The following ORC4 variants were observed in gnomAD, a reference collection of about 807,000 sequenced individuals.
ORC4 encodes the protein origin recognition complex, subunit 4 homolog.
In ORC4, 55 loss-of-function variants were observed where a neutral mutation model predicts 63.9. That is an observed-to-expected ratio of 0.86 (90% confidence interval 0.69 to 1.08). ORC4 has a LOEUF of 1.08. Among genes scored for constraint, ORC4 ranks in the 50% least tolerant of loss-of-function variants. The probability of loss-of-function intolerance (pLI) is 0.00; values close to 1 mark genes in which losing one functional copy is unlikely to be tolerated. For missense variants in ORC4, 511 were observed against 504.4 expected, an observed-to-expected ratio of 1.01 and a Z score of -0.13; for synonymous variants, 150 against 168.5, an observed-to-expected ratio of 0.89 and a Z score of 0.85.
At chr2:147,954,989 T>C (rs562994790) in intron 7 of ORC4, among the ~76,000 whole-genome samples, 1 of 152,102 alleles carries the variant, frequency 6.6e-6, no homozygotes, top group South Asian at 2.1e-4. Context: ...AAGCCCATAA[T>C]TGGTGATTAA....
intron 1 of ORC4, among the ~76,000 whole-genome samples, chr2:148,010,189 A>G (rs886418957): frequency 1.3e-5 from 2 of 152,198 alleles, no homozygotes; most frequent in African/African-American, 4.8e-5. Context: ...AGATACAGTT[A>G]AAGCTAACAC....
chr2:147,968,813 C>T (rs1294011547), intron 4 of ORC4, among the ~76,000 whole-genome samples: 1 of 151,884 alleles, frequency 6.6e-6, no homozygotes, highest in African/African-American at 2.4e-5. Context: ...ATCATTACAT[C>T]AGAGAGACAT....
Position 147,993,617 on chromosome 2 carries a change from C to T in ORC4, c.-17-17642G>A, listed in dbSNP as rs112404831. Among the ~76,000 whole-genome samples, 4 of 152,142 alleles carry T rather than the reference C, an allele frequency of 2.6e-5. 1 individual carries two copies. The highest frequency in any genetic ancestry group is 9.6e-5 in the African/African-American group (4 of 41,488). ...CCCCCCATCAGCATGCTTAGGTAATCTTGCAAGGATAAATGGAAATGTCAG... is the reference window on the plus strand; with the variant it reads ...CCCCCCATCAGCATGCTTAGGTAATTTTGCAAGGATAAATGGAAATGTCAG... On this transcript the variant is annotated intron_variant, in intron 1 of 13. Coordinates refer to ENST00000392857, the MANE Select transcript of ORC4 (RefSeq NM_181741.4).
At chr2:147,962,856 A>T (rs1255009743) in intron 4 of ORC4, among the ~76,000 whole-genome samples, 1 of 152,046 alleles carries the variant, frequency 6.6e-6, no homozygotes, top group Non-Finnish European at 1.5e-5. Flanking sequence ...CCACAATCAG[A>T]GCCTGAAAAA....
intron 10 of ORC4, among the ~76,000 whole-genome samples, chr2:147,942,799 C>A (rs898717623): frequency 4.6e-5 from 7 of 151,050 alleles, no homozygotes; most frequent in East Asian, 1.9e-4. Flanking sequence ...AAAAAAAAAA[C>A]CGTCACTATT....
rs1034259636 is a variant in ORC4, at chr2:147,933,564, T to C, written c.*1946A>G. Reference sequence around the variant, plus strand: ...ATTGATGGATCTTCTGCAGCTCTTATGTAGCCAATGAGACAGATGAGGGCT... The same window carrying C: ...ATTGATGGATCTTCTGCAGCTCTTACGTAGCCAATGAGACAGATGAGGGCT... On this transcript the variant is annotated 3_prime_UTR_variant, in exon 14 of 14. Transcript: ENST00000392857. 6.6e-6 allele frequency: 1 copy of C among 152,156 alleles called. No individual in the cohort carries two copies. Among genetic ancestry groups the C allele is most frequent in the Admixed American group, 6.6e-5 (1 of 15,254 alleles). The allele number at this position is 152,156 out of a possible 1,614,324, so 9.4% of individuals were successfully genotyped here. A position where few individuals can be genotyped will look rare whatever the true frequency, so the allele number is the denominator to read the frequency against.
intron 1 of ORC4, among the ~76,000 whole-genome samples, chr2:147,979,143 C>T (rs1023060184): frequency 2.0e-5 from 3 of 152,000 alleles, no homozygotes; most frequent in African/African-American, 7.2e-5. Context: ...AAATAAAAGG[C>T]ATCCAAATCA....
At chr2:147,996,036 G>A (rs1691950921) in intron 1 of ORC4, among the ~76,000 whole-genome samples, 1 of 151,824 alleles carries the variant, frequency 6.6e-6, no homozygotes, top group Non-Finnish European at 1.5e-5. Flanking sequence ...CAGGTGCGGT[G>A]GCTTACGCCT....
Position 147,932,823 on chromosome 2 carries a change from A to C in ORC4, c.*2687T>G, listed in dbSNP as rs1380892269. On this transcript the variant is annotated 3_prime_UTR_variant, in exon 14 of 14. Coordinates refer to ENST00000392857, the MANE Select transcript of ORC4 (RefSeq NM_181741.4). ...TGAAAGAAACTGAATTGCTTTCTAA[A>C]CCAGATGAGGATCAGAGTGCGAACC... 6.6e-6 allele frequency: 1 copy of C among 152,136 alleles called. No individual in the cohort carries two copies. Among genetic ancestry groups the C allele is most frequent in the Non-Finnish European group, 1.5e-5 (1 of 68,018 alleles). The allele number at this position is 152,136 out of a possible 1,614,324, so 9.4% of individuals were successfully genotyped here. A position where few individuals can be genotyped will look rare whatever the true frequency, so the allele number is the denominator to read the frequency against.
chr2:147,985,643 C>T (rs763400649), intron 1 of ORC4, among the ~76,000 whole-genome samples: 1 of 152,212 alleles, frequency 6.6e-6, no homozygotes, highest in Non-Finnish European at 1.5e-5. Flanking sequence ...TTAGTTTGCA[C>T]AACTAACTTA....
intron 9 of ORC4, among the ~76,000 whole-genome samples, chr2:147,946,413 A>G (rs932273337): frequency 6.6e-6 from 1 of 152,104 alleles, no homozygotes; most frequent in Non-Finnish European, 1.5e-5. Context: ...CAGGAGTTGT[A>G]GAAGATGAAA....
In ORC4 at chr2:147,935,470, AGT is replaced by A; in HGVS notation, c.*38_*39del. Reference sequence around the variant, plus strand: ...ACAATAGTTTTCCGTTCTCTACAGAAGTATGAATGAAATGCCAAAGTTGAAGT... The same window carrying A: ...ACAATAGTTTTCCGTTCTCTACAGAAATGAATGAAATGCCAAAGTTGAAGT... On this transcript the variant is annotated 3_prime_UTR_variant, in exon 14 of 14. Transcript: ENST00000392857. The A allele has an allele frequency of 7.0e-7, 1 of 1,423,540 alleles. No homozygotes were observed. The highest frequency in any genetic ancestry group is 1.1e-5 in the South Asian group (1 of 87,156). The allele number at this position is 1,423,540 out of a possible 1,614,324, so 88.2% of individuals were successfully genotyped here. A position where few individuals can be genotyped will look rare whatever the true frequency, so the allele number is the denominator to read the frequency against.
At chr2:147,971,669 A>G (rs1419054278) in intron 4 of ORC4, among the ~76,000 whole-genome samples, 3 of 152,038 alleles carry the variant, frequency 2.0e-5, no homozygotes, top group Non-Finnish European at 4.4e-5. Context: ...ACTACCCAAA[A>G]TAACAGTGAA....
intron 7 of ORC4, 67 bp downstream of exon 7, chr2:147,955,280 T>G: frequency 1.8e-6 from 2 of 1,118,436 alleles, no homozygotes; most frequent in Non-Finnish European, 2.7e-6. Context: ...TTGTATTACC[T>G]TTATAATCAG....
At chr2:147,948,801 G>T (rs13006184) in intron 8 of ORC4, among the ~76,000 whole-genome samples, 39,182 of 150,922 alleles carry the variant, frequency 0.26, 5,902 homozygotes, top group East Asian at 0.46. Context: ...TGTACTGCTT[G>T]TAAGGACATA....
intron 1 of ORC4, among the ~76,000 whole-genome samples, chr2:147,988,006 T>A (rs551544452): frequency 7.0e-6 from 1 of 142,026 alleles, no homozygotes; most frequent in Non-Finnish European, 1.5e-5. Context: ...TGAGCCAAGA[T>A]AGAGCCACTG....
intron 1 of ORC4, among the ~76,000 whole-genome samples, chr2:148,009,558 C>T (rs1484547943): frequency 6.6e-6 from 1 of 152,068 alleles, no homozygotes; most frequent in East Asian, 1.9e-4. Context: ...CTATCCAACA[C>T]AGAAGCATCT....
intron 8 of ORC4, among the ~76,000 whole-genome samples, chr2:147,950,835 T>C (rs527631463): frequency 6.6e-6 from 1 of 151,362 alleles, no homozygotes; most frequent in African/African-American, 2.4e-5. Context: ...ATTATATATA[T>C]ACAATAAAAA....
At chr2:147,976,282 C>T (rs898445236) in intron 1 of ORC4, among the ~76,000 whole-genome samples, 2 of 152,010 alleles carry the variant, frequency 1.3e-5, no homozygotes, top group Non-Finnish European at 2.9e-5. Context: ...TTTCAAACAC[C>T]ATGTCCCCAT....
Sources: gnomAD v4.1 joint callset for allele counts (sites outside exome capture counted in the v4.1 genomes callset) on GRCh38, gnomAD v4.1.1 for gene constraint, MANE v1.5 for transcripts, NCBI Gene and HGNC (gene_info 2026-07-23, HGNC 2026-07-21) for gene names.